The following DLGAP2 variants were observed in gnomAD, a reference collection of about 807,000 sequenced individuals.
The protein encoded by DLGAP2 is DLG associated protein 2, also known as disks large-associated protein 2.
DLGAP2 carries 26 observed loss-of-function variants against 100.3 expected under a neutral mutation model. That is an observed-to-expected ratio of 0.26 (90% CI 0.19 to 0.36). The LOEUF (loss-of-function observed/expected upper bound fraction) is 0.36. DLGAP2 is among the 10% of genes least tolerant of loss of function. The pLI, the probability that DLGAP2 is intolerant of heterozygous loss-of-function variation, is 1.00. For missense variants in DLGAP2, 1,858 were observed against 1,453.2 expected, an observed-to-expected ratio of 1.28 and a Z score of -4.53; for synonymous variants, 886 against 630.1, an observed-to-expected ratio of 1.41 and a Z score of -6.08.
intron 4 of DLGAP2, among the ~76,000 whole-genome samples, chr8:1,528,047 C>T (rs1800853573): frequency 6.6e-6 from 1 of 152,216 alleles, no homozygotes; most frequent in South Asian, 2.1e-4. Flanking sequence ...ATACAGAAAG[C>T]TTTGCCTCTC....
chr8:972,826 C>G (rs62486450), intron 2 of DLGAP2, among the ~76,000 whole-genome samples: 2,746 of 152,202 alleles, frequency 0.018, 29 homozygotes, highest in Middle Eastern at 0.031. Flanking sequence ...TGACTCTTAA[C>G]GAGCATGCTG....
chr8:1,022,955 C>T (rs1434295697), intron 2 of DLGAP2, among the ~76,000 whole-genome samples: 1 of 152,204 alleles, frequency 6.6e-6, no homozygotes, highest in African/African-American at 2.4e-5. Context: ...ATCTTAGAGG[C>T]TGTCATGTGA....
In DLGAP2 at chr8:807,889, G is replaced by C. The variant is rs927164254; in HGVS notation, c.18+70064G>C. Among the ~76,000 whole-genome samples, 6 of 152,194 alleles carry C rather than the reference G, an allele frequency of 3.9e-5. No homozygotes were observed. In the South Asian group the frequency reaches 8.3e-4, roughly 21 times the overall value. On this transcript the variant is annotated intron_variant, in intron 1 of 14. Transcript: ENST00000637795. ...TGGGGAGGAGTAAATCACAGCAGCC[G>C]GAGGAACATAAAGGGGAGAAGGTTG...
chr8:1,130,315 G>A (rs187040849), intron 2 of DLGAP2, among the ~76,000 whole-genome samples: 104 of 152,254 alleles, frequency 6.8e-4, no homozygotes, highest in African/African-American at 2.5e-3. Context: ...TGGTATAGAT[G>A]TGATTGTATG....
At chr8:1,236,085 A>T in intron 2 of DLGAP2, among the ~76,000 whole-genome samples, 1 of 62,558 alleles carries the variant, frequency 1.6e-5, no homozygotes, top group East Asian at 4.2e-4. Context: ...ACATGGTGCC[A>T]TGTCTAGTTC....
chr8:1,651,093 C>G (rs1242852425), intron 8 of DLGAP2, among the ~76,000 whole-genome samples: 1 of 152,126 alleles, frequency 6.6e-6, no homozygotes, highest in Non-Finnish European at 1.5e-5. Context: ...TATGCACTTT[C>G]TCAAACGTAC....
intron 2 of DLGAP2, among the ~76,000 whole-genome samples, chr8:1,115,442 C>G (rs1563199821): frequency 6.6e-6 from 1 of 152,286 alleles, no homozygotes; most frequent in East Asian, 1.9e-4. Context: ...GGGCATGTTT[C>G]TTAACCACGG....
intron 2 of DLGAP2, among the ~76,000 whole-genome samples, chr8:1,097,990 A>G (rs77791704): frequency 0.052 from 7,966 of 152,366 alleles, 415 homozygotes; most frequent in African/African-American, 0.13. Context: ...GGTTTGTATG[A>G]ACCCCAGCCG....
chr8:943,594 C>A (rs113864388), intron 2 of DLGAP2, among the ~76,000 whole-genome samples: 1 of 151,248 alleles, frequency 6.6e-6, no homozygotes, highest in Non-Finnish European at 1.5e-5. Context: ...GAGAACCGCT[C>A]TGTACACGAT....
At chr8:1,088,660 A>G (rs1389707359) in intron 2 of DLGAP2, among the ~76,000 whole-genome samples, 1 of 151,264 alleles carries the variant, frequency 6.6e-6, no homozygotes. Flanking sequence ...TCCACCCCTC[A>G]TGCAGCAGGC....
intron 8 of DLGAP2, among the ~76,000 whole-genome samples, chr8:1,662,977 G>A (rs1476013527): frequency 6.7e-6 from 1 of 148,798 alleles, no homozygotes; most frequent in African/African-American, 2.5e-5. Flanking sequence ...GGGTATGACT[G>A]TGTGTGTACA....
chr8:1,342,704 A>G (rs1801445697), intron 3 of DLGAP2, among the ~76,000 whole-genome samples: 1 of 152,210 alleles, frequency 6.6e-6, no homozygotes. Context: ...CTTAACATTA[A>G]TTGAAAATGA....
chr8:1,158,723 A>T (rs911184735), intron 2 of DLGAP2, among the ~76,000 whole-genome samples: 6 of 152,234 alleles, frequency 3.9e-5, no homozygotes, highest in African/African-American at 1.4e-4. Flanking sequence ...CTGCGCACCC[A>T]GAGCCACGCG....
intron 2 of DLGAP2, among the ~76,000 whole-genome samples, chr8:971,932 T>C (rs915987402): frequency 1.3e-5 from 2 of 152,156 alleles, no homozygotes; most frequent in African/African-American, 4.8e-5. Context: ...TGAGACCCAA[T>C]CATAGCATTG....
chr8:1,524,517 C>T (rs1342404559), intron 4 of DLGAP2, among the ~76,000 whole-genome samples: 1 of 152,266 alleles, frequency 6.6e-6, no homozygotes, highest in East Asian at 1.9e-4. Context: ...CAGTTCAAGA[C>T]CAAGGTATGG....
At chr8:758,014 T>G (rs747470378) in intron 1 of DLGAP2, among the ~76,000 whole-genome samples, 1 of 152,194 alleles carries the variant, frequency 6.6e-6, no homozygotes, top group Non-Finnish European at 1.5e-5. Flanking sequence ...GGCTGTGCCC[T>G]TTACTGTCCC....
intron 2 of DLGAP2, among the ~76,000 whole-genome samples, chr8:1,242,169 G>A (rs769257009): frequency 5.3e-5 from 8 of 152,200 alleles, no homozygotes; most frequent in Non-Finnish European, 1.0e-4. Context: ...TTAACACGAA[G>A]ACACTAATTA....
chr8:1,312,630 T>A (rs1393660830), intron 3 of DLGAP2, among the ~76,000 whole-genome samples: 3 of 152,214 alleles, frequency 2.0e-5, no homozygotes, highest in African/African-American at 7.2e-5. Context: ...TAATGACGCA[T>A]AATTACACAC....
At chr8:1,094,151 G>T (rs1804289091) in intron 2 of DLGAP2, among the ~76,000 whole-genome samples, 1 of 152,314 alleles carries the variant, frequency 6.6e-6, no homozygotes, top group South Asian at 2.1e-4. Flanking sequence ...GCTTCTTGAT[G>T]CCAGGGCCCA....
Sources: allele counts gnomAD v4.1 joint callset (sites outside exome capture counted in the v4.1 genomes callset), GRCh38; gene constraint gnomAD v4.1.1; transcripts MANE v1.5; gene names NCBI Gene and HGNC (gene_info 2026-07-23, HGNC 2026-07-21).